The following BTF3L4 variants were observed in gnomAD, a reference collection of about 807,000 sequenced individuals.
The protein encoded by BTF3L4 is transcription factor BTF3 homolog 4.
In BTF3L4, 6 loss-of-function variants were observed where a neutral mutation model predicts 16.8. The ratio of observed to expected loss-of-function variants is 0.36; its 90% CI spans 0.20 to 0.71. The LOEUF is 0.71. Among genes scored for constraint, BTF3L4 ranks in the 30% least tolerant of loss-of-function variants. The probability of loss-of-function intolerance (pLI) is 0.58; values close to 1 mark genes in which losing one functional copy is unlikely to be tolerated. For synonymous variants in BTF3L4, 39 were observed against 59.8 expected, an observed-to-expected ratio of 0.65 and a Z score of 1.60; for missense variants, 92 against 186.9, an observed-to-expected ratio of 0.49 and a Z score of 2.96.
At chr1:52,064,991 G>A in intron 3 of BTF3L4, 53 bp downstream of exon 3, 1 of 1,029,586 alleles carries the variant, frequency 9.7e-7, no homozygotes, top group Non-Finnish European at 1.5e-6. Context: ...ACAAATAATT[G>A]TCTGGACCTT....
In BTF3L4 at chr1:52,089,860, C is replaced by T. The variant is rs1644003957; in HGVS notation, c.*3102C>T. ...TTTGTTGTTAAGTAGCTAGTGCTTA[C>T]AGGATTCCATTAAATTCACTTTAAT... On this transcript the variant is annotated 3_prime_UTR_variant, in exon 6 of 6. Transcript: ENST00000313334. The T allele has an allele frequency of 6.6e-6, 1 of 152,156 alleles. No individual in the cohort carries two copies. Among genetic ancestry groups the T allele is most frequent in the Admixed American group, 6.5e-5 (1 of 15,278 alleles). The allele number at this position is 152,156 out of a possible 1,614,324, so 9.4% of individuals were successfully genotyped here.
intron 2 of BTF3L4, 24 bp downstream of exon 2, chr1:52,059,925 G>T (rs1219190889): frequency 6.2e-7 from 1 of 1,600,686 alleles, no homozygotes; most frequent in Non-Finnish European, 8.5e-7. Context: ...AAGAAAAATT[G>T]ATAGGAGAAT....
rs887192621 is a variant in BTF3L4 at position 52,087,043 on chromosome 1, G to A, written c.*285G>A. The A allele has an allele frequency of 4.8e-5, 15 of 310,678 alleles. No homozygotes were observed. Among genetic ancestry groups the A allele is most frequent in the African/African-American group, 2.8e-4 (13 of 45,892 alleles). The allele number at this position is 310,678 out of a possible 1,614,324, so 19.2% of individuals were successfully genotyped here. A position where few individuals can be genotyped will look rare whatever the true frequency, so the allele number is the denominator to read the frequency against. ...GTTTTTTGTTTGGGGTATTTTTGGTGTATGTATGTTTATGTATGTGTGTGG... is the reference window on the plus strand; with the variant it reads ...GTTTTTTGTTTGGGGTATTTTTGGTATATGTATGTTTATGTATGTGTGTGG... On this transcript the variant is annotated 3_prime_UTR_variant, in exon 6 of 6. Transcript: ENST00000313334.
At chr1:52,059,713 T>G in intron 1 of BTF3L4, 122 bp from the exon 2 acceptor site, 1 of 650,674 alleles carries the variant, frequency 1.5e-6, no homozygotes, top group Non-Finnish European at 2.7e-6. Flanking sequence ...ATAGACAGTA[T>G]TAATATGGTC....
rs144698589 is a variant in BTF3L4 at position 52,089,197 on chromosome 1, G to A, written c.*2439G>A. Reference sequence around the variant, plus strand: ...TTATTAATACCCATAAAACGTTTGTGTATTTGCTTCTTCCTCTTTCTCCTT... The same window carrying A: ...TTATTAATACCCATAAAACGTTTGTATATTTGCTTCTTCCTCTTTCTCCTT... On this transcript the variant is annotated 3_prime_UTR_variant, in exon 6 of 6. Transcript: ENST00000313334. 6.6e-6 allele frequency: 1 copy of A among 152,272 alleles called. No individual in the cohort carries two copies. The highest frequency in any genetic ancestry group is 1.5e-5 in the Non-Finnish European group (1 of 68,022). The allele number at this position is 152,272 out of a possible 1,614,324, so 9.4% of individuals were successfully genotyped here.
chr1:52,083,502 A>G lies in BTF3L4; in HGVS notation c.331A>G (p.Thr111Ala), dbSNP rs1341146950. The change falls in exon 4 of 6, where the codon ACA (threonine) becomes GCA (alanine). Residue 111 changes from threonine to alanine, a missense_variant. Coordinates refer to ENST00000313334, the MANE Select transcript of BTF3L4 (RefSeq NM_152265.5). Reference sequence around the variant, plus strand: ...AAGTCAGCTTGGTGCTGACAGTTTAACAAGCCTTAGGAAGTTAGCTGAACA... The same window carrying G: ...AAGTCAGCTTGGTGCTGACAGTTTAGCAAGCCTTAGGAAGTTAGCTGAACA... ...ILSQLGADSL[T>A]SLRKLAEQFP... The G allele has an allele frequency of 1.9e-6, 3 of 1,613,688 alleles. No individual in the cohort carries two copies. The East Asian group carries it at 6.7e-5, about 36-fold the overall frequency.
At chr1:52,080,934 G>T (rs1643914345) in intron 3 of BTF3L4, among the ~76,000 whole-genome samples, 1 of 149,996 alleles carries the variant, frequency 6.7e-6, no homozygotes, top group Non-Finnish European at 1.5e-5. Context: ...CTGACTCCCT[G>T]GTTCAAGTGA....
intron 3 of BTF3L4, among the ~76,000 whole-genome samples, chr1:52,070,544 C>G (rs1258149662): frequency 1.1e-5 from 1 of 93,756 alleles, no homozygotes; most frequent in Admixed American, 1.5e-4. Flanking sequence ...GGTGACAGAG[C>G]AAGACTCCAT....
At chr1:52,061,206 A>G (rs1015638982) in intron 2 of BTF3L4, among the ~76,000 whole-genome samples, 3 of 152,180 alleles carry the variant, frequency 2.0e-5, no homozygotes, top group Admixed American at 6.5e-5. Context: ...GCTGGCAGAA[A>G]GGTAATGGGT....
intron 1 of BTF3L4, among the ~76,000 whole-genome samples, chr1:52,057,335 C>G (rs1192887320): frequency 6.6e-6 from 1 of 152,242 alleles, no homozygotes; most frequent in African/African-American, 2.4e-5. Context: ...AACCTGTTTA[C>G]ACCCTTTCTT....
intron 1 of BTF3L4, among the ~76,000 whole-genome samples, chr1:52,059,523 A>G (rs920963228): frequency 1.6e-4 from 25 of 152,228 alleles, no homozygotes; most frequent in African/African-American, 6.0e-4. Context: ...ATAATTGGTT[A>G]GGCTTAACTG....
intron 5 of BTF3L4, 54 bp downstream of exon 5, chr1:52,086,225 C>G (rs1404459942): frequency 2.3e-6 from 3 of 1,327,324 alleles, no homozygotes; most frequent in East Asian, 2.3e-5. Flanking sequence ...TATCTCCTTT[C>G]AGTCATTGCA....
At chr1:52,070,132 G>A (rs1045487693) in intron 3 of BTF3L4, among the ~76,000 whole-genome samples, 1 of 151,750 alleles carries the variant, frequency 6.6e-6, no homozygotes, top group Admixed American at 6.6e-5. Context: ...TAGGAGAATC[G>A]CTTGAACCTG....
chr1:52,073,450 A>C lies in BTF3L4; in HGVS notation c.168+8512A>C, dbSNP rs193099343. On this transcript the variant is annotated intron_variant, in intron 3 of 5. Transcript: ENST00000313334. ...TTTAATCTTTCCCATCTTTATGTAC[A>C]CTATATATATGCACTATATATATGC... Among the ~76,000 whole-genome samples the C allele has an allele frequency of 9.1e-4, 137 of 150,426 alleles. 2 individuals carry two copies. The highest frequency in any genetic ancestry group is 2.7e-4 in the Non-Finnish European group (18 of 67,758).
chr1:52,065,310 A>G, intron 3 of BTF3L4: 2 of 150,156 alleles, frequency 1.3e-5, no homozygotes, highest in Non-Finnish European at 2.9e-5. Flanking sequence ...CTGTCACCCT[A>G]GCTGGAATGC....
At chr1:52,083,638 T>C (rs1643944221) in intron 4 of BTF3L4, 97 bp downstream of exon 4, 2 of 954,028 alleles carry the variant, frequency 2.1e-6, no homozygotes, top group Non-Finnish European at 3.2e-6. Flanking sequence ...TTTGCCTGTA[T>C]GTAATTATTT....
intron 2 of BTF3L4, among the ~76,000 whole-genome samples, chr1:52,061,487 CAAAAAAAAAAA>C (rs1169709967): frequency 2.1e-5 from 1 of 48,186 alleles, no homozygotes. Context: ...GACTCCGTCT[CAAAAAAAAAAA>C]AAAAAAAAGA....
intron 4 of BTF3L4, among the ~76,000 whole-genome samples, chr1:52,083,945 G>A (rs567087835): frequency 4.0e-5 from 6 of 151,646 alleles, no homozygotes; most frequent in Admixed American, 2.0e-4. Context: ...GCTTGAACCC[G>A]GGAGGCAGAG....
At chr1:52,073,493 T>TGC (rs1553239826) in intron 3 of BTF3L4, among the ~76,000 whole-genome samples, 2 of 139,272 alleles carry the variant, frequency 1.4e-5, no homozygotes, top group Non-Finnish European at 3.1e-5. Context: ...ATATGCTACA[T>TGC]ACACACACAC....
Sources: gnomAD v4.1 joint callset for allele counts (sites outside exome capture counted in the v4.1 genomes callset) on GRCh38, gnomAD v4.1.1 for gene constraint, MANE v1.5 for transcripts, NCBI Gene and HGNC (gene_info 2026-07-23, HGNC 2026-07-21) for gene names.